PTPRN2: variants seen among roughly 807,000 people sequenced by gnomAD.
PTPRN2 encodes receptor-type tyrosine-protein phosphatase N2.
In PTPRN2, 74 loss-of-function variants were observed where a neutral mutation model predicts 118.8. The observed-to-expected ratio is 0.62, with a 90% CI of 0.52 to 0.76. The LOEUF (loss-of-function observed/expected upper bound fraction) is 0.76. PTPRN2 is among the 30% of genes least tolerant of loss of function. The pLI is 0.00. For synonymous variants in PTPRN2, 641 were observed against 608.0 expected (o/e 1.05, Z -0.80); for missense variants, 1,481 against 1,394.4 (o/e 1.06, Z -0.99).
At chr7:157,956,746 T>C (rs1307963027) in intron 11 of PTPRN2, among the ~76,000 whole-genome samples, 1 of 152,248 alleles carries the variant, frequency 6.6e-6, no homozygotes, top group African/African-American at 2.4e-5. Flanking sequence ...TCAGGGGTCA[T>C]GGTGGGAACC....
chr7:158,328,867 C>T (rs373780984), intron 2 of PTPRN2, among the ~76,000 whole-genome samples: 12 of 141,514 alleles, frequency 8.5e-5, no homozygotes, highest in Admixed American at 2.2e-4. Context: ...CTTCCCTGAG[C>T]GACAAGCGGG....
intron 12 of PTPRN2, among the ~76,000 whole-genome samples, chr7:157,791,383 G>C (rs1187015918): frequency 3.9e-5 from 6 of 152,258 alleles, no homozygotes; most frequent in Non-Finnish European, 7.3e-5. Flanking sequence ...ATATTCTCGT[G>C]CCTGGCGTGT....
At chr7:157,755,847 G>A (rs923761263) in intron 12 of PTPRN2, among the ~76,000 whole-genome samples, 3 of 152,142 alleles carry the variant, frequency 2.0e-5, no homozygotes, top group Non-Finnish European at 4.4e-5. Flanking sequence ...ATACACCCAG[G>A]AAGCAAACCT....
chr7:158,554,859 G>A (rs1826873776), intron 1 of PTPRN2, among the ~76,000 whole-genome samples: 1 of 152,130 alleles, frequency 6.6e-6, no homozygotes, highest in Non-Finnish European at 1.5e-5. Context: ...CCAAACAGCA[G>A]CCCCCTCTAT....
chr7:158,160,351 A>C (rs977325611), intron 6 of PTPRN2, among the ~76,000 whole-genome samples: 39 of 152,226 alleles, frequency 2.6e-4, no homozygotes, highest in African/African-American at 8.7e-4. Context: ...AGGGTGAATT[A>C]GGCTCCCTCT....
chr7:158,283,132 G>A (rs1036919694), intron 3 of PTPRN2, among the ~76,000 whole-genome samples: 13 of 152,210 alleles, frequency 8.5e-5, no homozygotes, highest in African/African-American at 1.2e-4. Flanking sequence ...AGGGGAAGAC[G>A]CATTCGACAA....
Position 157,620,960 on chromosome 7 carries a change from A to G in PTPRN2, c.2344+402T>C, listed in dbSNP as rs1430561014. On this transcript the variant is annotated intron_variant, in intron 15 of 22. Transcript: ENST00000389418. ...GTAACCCAGGCCTCCTGCCCCCGGG[A>G]CTGGTATGTACAGGTCAGCATGGCC... is the stretch of plus-strand genomic sequence containing the variant. 1.7e-3 allele frequency among the ~76,000 whole-genome samples: 121 copies of G among 69,450 alleles called. 1 individual carries two copies. The highest frequency in any genetic ancestry group is 4.5e-3 in the African/African-American group (75 of 16,614). The allele number at this position is 69,450 out of a possible 152,430, so 45.6% of individuals were successfully genotyped here. A position where few individuals can be genotyped will look rare whatever the true frequency, so the allele number is the denominator to read the frequency against.
At chr7:157,853,682 A>G (rs1748947794) in intron 12 of PTPRN2, among the ~76,000 whole-genome samples, 1 of 152,096 alleles carries the variant, frequency 6.6e-6, no homozygotes, top group African/African-American at 2.4e-5. Flanking sequence ...AGAATAACCG[A>G]GCCACACGTG....
At chr7:157,566,985 G>A (rs1799517806) in intron 21 of PTPRN2, among the ~76,000 whole-genome samples, 1 of 152,172 alleles carries the variant, frequency 6.6e-6, no homozygotes, top group South Asian at 2.1e-4. Context: ...ACATAGGCTT[G>A]GTCAGAAACA....
At chr7:158,168,355 G>A (rs1823219134) in intron 5 of PTPRN2, among the ~76,000 whole-genome samples, 1 of 152,232 alleles carries the variant, frequency 6.6e-6, no homozygotes, top group South Asian at 2.1e-4. Context: ...ACATTCATGA[G>A]GCTCGGCGGT....
intron 11 of PTPRN2, among the ~76,000 whole-genome samples, chr7:158,066,128 A>G (rs552543842): frequency 7.4e-4 from 112 of 152,312 alleles, no homozygotes; most frequent in African/African-American, 2.6e-3. Context: ...TTTCTCTAGC[A>G]AGGAATGGCT....
intron 1 of PTPRN2, among the ~76,000 whole-genome samples, chr7:158,504,880 T>C (rs998407023): frequency 3.3e-5 from 5 of 152,248 alleles, no homozygotes; most frequent in Non-Finnish European, 5.9e-5. Flanking sequence ...ATCTCTGATT[T>C]TTTCCTCTTA....
intron 3 of PTPRN2, among the ~76,000 whole-genome samples, chr7:158,251,031 A>G (rs1796620527): frequency 6.6e-6 from 1 of 152,134 alleles, no homozygotes; most frequent in Admixed American, 6.6e-5. Flanking sequence ...GGTGGAAATC[A>G]CATAAAGTAG....
intron 3 of PTPRN2, among the ~76,000 whole-genome samples, chr7:158,315,247 A>G: frequency 8.0e-6 from 1 of 124,396 alleles, no homozygotes; most frequent in East Asian, 2.4e-4. Context: ...CCTAAAGGAC[A>G]GAGGTGAACC....
At chr7:157,584,509 C>T (rs1800559019) in intron 17 of PTPRN2, among the ~76,000 whole-genome samples, 1 of 152,224 alleles carries the variant, frequency 6.6e-6, no homozygotes, top group East Asian at 1.9e-4. Flanking sequence ...AATGTACAGA[C>T]AAGTGTTCAG....
At chr7:158,062,015 CT>C (rs1310305751) in intron 11 of PTPRN2, among the ~76,000 whole-genome samples, 1 of 152,260 alleles carries the variant, frequency 6.6e-6, no homozygotes, top group East Asian at 1.9e-4. Context: ...CATGGTCCTG[CT>C]GTCAGAGCAA....
intron 2 of PTPRN2, among the ~76,000 whole-genome samples, chr7:158,412,885 G>A (rs113196197): frequency 9.6e-5 from 11 of 114,582 alleles, no homozygotes; most frequent in Admixed American, 1.9e-4. Flanking sequence ...ACCCTCCTCA[G>A]CACCAGGGCC....
chr7:158,239,022 AG>A (rs1254614699), intron 3 of PTPRN2, among the ~76,000 whole-genome samples: 4 of 152,122 alleles, frequency 2.6e-5, no homozygotes, highest in African/African-American at 9.7e-5. Context: ...AGGGCCGTGG[AG>A]GGGAGCGGAA....
chr7:158,523,052 G>A lies in PTPRN2; in HGVS notation c.113-33267C>T, dbSNP rs530365770. 1.9e-3 allele frequency among the ~76,000 whole-genome samples: 291 copies of A among 152,330 alleles called. 1 individual carries two copies. Among genetic ancestry groups the A allele is most frequent in the African/African-American group, 6.3e-3 (263 of 41,576 alleles). ...AGATTTAGGGATTGTCAGCATCACCGTGGCTGCTGACATCTTGAAAACTGG... is the reference window on the plus strand; with the variant it reads ...AGATTTAGGGATTGTCAGCATCACCATGGCTGCTGACATCTTGAAAACTGG... On this transcript the variant is annotated intron_variant, in intron 1 of 22. Coordinates refer to ENST00000389418, the MANE Select transcript of PTPRN2 (RefSeq NM_002847.5).
Sources: allele counts gnomAD v4.1 joint callset (sites outside exome capture counted in the v4.1 genomes callset), GRCh38; gene constraint gnomAD v4.1.1; transcripts MANE v1.5; gene names NCBI Gene and HGNC (gene_info 2026-07-23, HGNC 2026-07-21).